Variants in DARS1 observed in about 807,000 individuals in gnomAD.
DARS1 encodes the protein aspartate--tRNA ligase, cytoplasmic.
DARS1 carries 51 observed loss-of-function variants against 68.8 expected under a neutral mutation model. The observed-to-expected ratio is 0.74, with a 90% CI of 0.59 to 0.94. DARS1 has a LOEUF of 0.94. DARS1 is among the 40% of genes least tolerant of loss of function. DARS1 has a pLI of 0.00. For synonymous variants in DARS1, 203 were observed against 190.4 expected, an observed-to-expected ratio of 1.07 and a Z score of -0.55; for missense variants, 607 against 597.3, an observed-to-expected ratio of 1.02 and a Z score of -0.17.
rs772458507 is a variant in DARS1, at chr2:135,916,304, G to A, written c.1028C>T (p.Thr343Ile). 1.1e-5 allele frequency: 17 copies of A among 1,540,042 alleles called. No individual in the cohort carries two copies. In the East Asian group the frequency reaches 3.1e-4, roughly 29 times the overall value. The part of the protein sequence containing the change: ...PCEPFKFLEP[T>I]LRLEYCEALA... The stretch of plus-strand genomic sequence containing the variant: ...TGCTTCACAATATTCTAGTCTTAGA[G>A]TTGGCTCCAAAAATTTGAATGGCTC... The change falls in exon 11 of 16, where the codon ACT (threonine) becomes ATT (isoleucine). Residue 343 changes from threonine (T) to isoleucine (I), a missense_variant. Thr to Ile is a moderately conservative substitution (Grantham distance 89, BLOSUM62 -1). Transcript: ENST00000264161.
At chr2:135,949,014 G>A (rs1269215050) in intron 4 of DARS1, among the ~76,000 whole-genome samples, 1 of 151,996 alleles carries the variant, frequency 6.6e-6, no homozygotes, top group Non-Finnish European at 1.5e-5. Context: ...ATTAGAGAAT[G>A]AGAAACATAC....
intron 4 of DARS1, among the ~76,000 whole-genome samples, chr2:135,953,495 G>A (rs576195993): frequency 2.0e-5 from 3 of 152,238 alleles, no homozygotes; most frequent in South Asian, 2.1e-4. Context: ...GGTGCAAAAC[G>A]TATTGTGTTG....
At chr2:135,907,475 A>C in intron 15 of DARS1, 68 bp from the exon 16 acceptor site, 1 of 998,222 alleles carries the variant, frequency 1.0e-6, no homozygotes, top group Non-Finnish European at 1.5e-6. Flanking sequence ...TAGAACTACA[A>C]ACATAAATGT....
rs752371133 is a variant in DARS1 at position 135,920,468 on chromosome 2, T to C, written c.944A>G (p.Lys315Arg). 3.7e-6 allele frequency: 6 copies of C among 1,612,976 alleles called. No homozygotes were observed. The highest frequency in any genetic ancestry group is 2.2e-5 in the South Asian group (2 of 90,850). ...TACTTTTTACCTTTCTTGAAGTCCT[T>C]TGAATATTTGTACCATGGTGTCAGC... is the stretch of plus-strand genomic sequence containing the variant. ...EIADTMVQIF[K>R]GLQERFQTEI... The change falls in exon 10 of 16, where the codon AAA (lysine) becomes AGA (arginine). Residue 315 changes from lysine (K) to arginine (R), a missense_variant. Lys to Arg is a conservative substitution (Grantham distance 26). Transcript: ENST00000264161.
intron 3 of DARS1, 64 bp downstream of exon 3, chr2:135,979,210 A>G: frequency 1.2e-6 from 1 of 814,314 alleles, no homozygotes; most frequent in Non-Finnish European, 2.1e-6. Context: ...GTCTGTGAGG[A>G]ATATGTAAGA....
chr2:135,969,588 CA>C (rs914252873), intron 3 of DARS1, among the ~76,000 whole-genome samples: 15 of 147,150 alleles, frequency 1.0e-4, no homozygotes, highest in African/African-American at 3.8e-4. Context: ...CAAAATTCCA[CA>C]AAAAGTAAGT....
rs751510664 is a variant in DARS1, at chr2:135,933,894, T to C, written c.504+16A>G. On this transcript the variant is annotated intron_variant, in intron 6 of 15. Coordinates refer to ENST00000264161, the MANE Select transcript of DARS1 (RefSeq NM_001349.4). The stretch of plus-strand genomic sequence containing the variant: ...TATACAGCGGAAGCATAATATTTCA[T>C]AAGTATAATTTTTACCTCTTCTCCT... 6.2e-7 allele frequency: 1 copy of C among 1,609,368 alleles called. No individual in the cohort carries two copies. Among genetic ancestry groups the C allele is most frequent in the Non-Finnish European group, 8.5e-7 (1 of 1,177,144 alleles).
intron 6 of DARS1, 99 bp downstream of exon 6, chr2:135,933,811 C>A: frequency 7.2e-7 from 1 of 1,382,738 alleles, no homozygotes; most frequent in Non-Finnish European, 9.5e-7. Context: ...CAATGGAGCT[C>A]AAAATCAATT....
intron 5 of DARS1, 178 bp downstream of exon 5, chr2:135,943,200 G>GT (rs1170544039): frequency 4.7e-6 from 4 of 849,534 alleles, no homozygotes; most frequent in Non-Finnish European, 6.7e-6. Context: ...AATGTTTGTT[G>GT]TTTCAAGTCA....
chr2:135,947,033 C>G (rs1323042192), intron 4 of DARS1, among the ~76,000 whole-genome samples: 6 of 152,182 alleles, frequency 3.9e-5, no homozygotes, highest in Admixed American at 3.9e-4. Context: ...CCACCTGCCT[C>G]TGCTTCCCAA....
chr2:135,912,749 T>C (rs190152098), intron 12 of DARS1, among the ~76,000 whole-genome samples, 183 bp from the exon 13 acceptor site: 53 of 152,298 alleles, frequency 3.5e-4, no homozygotes, highest in African/African-American at 1.3e-3. Flanking sequence ...CATGGTGTCA[T>C]AAATTCTTGC....
chr2:135,985,364 G>C, intron 1 of DARS1, 39 bp downstream of exon 1: 2 of 1,608,030 alleles, frequency 1.2e-6, no homozygotes, highest in Non-Finnish European at 1.7e-6. Context: ...CCCGGCCCAG[G>C]GGTCTGTCCT....
At chr2:135,970,673 GT>G (rs1423810584) in intron 3 of DARS1, among the ~76,000 whole-genome samples, 1 of 151,890 alleles carries the variant, frequency 6.6e-6, no homozygotes, top group Non-Finnish European at 1.5e-5. Flanking sequence ...CAAAAAGTTG[GT>G]TTTTTGAAAA....
intron 3 of DARS1, among the ~76,000 whole-genome samples, chr2:135,962,292 T>C (rs1441008838): frequency 6.6e-6 from 1 of 152,228 alleles, no homozygotes; most frequent in Non-Finnish European, 1.5e-5. Flanking sequence ...TATGTATCCT[T>C]GTGACATCCC....
intron 3 of DARS1, among the ~76,000 whole-genome samples, chr2:135,964,409 G>C (rs1233410218): frequency 6.6e-6 from 1 of 152,116 alleles, no homozygotes; most frequent in Non-Finnish European, 1.5e-5. Flanking sequence ...AGGGCTGAAA[G>C]GAAATTTTGG....
chr2:135,985,256 G>A (rs1682748880), intron 1 of DARS1, 147 bp downstream of exon 1: 3 of 1,339,356 alleles, frequency 2.2e-6, no homozygotes, highest in East Asian at 2.5e-5. Flanking sequence ...GCTGGGGCAA[G>A]GGCTCTAGGC....
intron 9 of DARS1, among the ~76,000 whole-genome samples, 189 bp from the exon 10 acceptor site, chr2:135,920,789 C>T (rs936903516): frequency 8.5e-5 from 13 of 152,070 alleles, no homozygotes; most frequent in African/African-American, 1.2e-4. Context: ...TAAACTCCTA[C>T]GGTCGTGCAA....
At chr2:135,972,379 G>A (rs1682391318) in intron 3 of DARS1, among the ~76,000 whole-genome samples, 1 of 152,146 alleles carries the variant, frequency 6.6e-6, no homozygotes, top group South Asian at 2.1e-4. Context: ...ATATCCATAT[G>A]CAAAAGACTA....
At chr2:135,943,981 C>G (rs1045711878) in intron 4 of DARS1, among the ~76,000 whole-genome samples, 4 of 152,146 alleles carry the variant, frequency 2.6e-5, no homozygotes, top group African/African-American at 9.7e-5. Flanking sequence ...CTACCTTTAG[C>G]TTCTGAGTAT....
Sources: allele counts gnomAD v4.1 joint callset (sites outside exome capture counted in the v4.1 genomes callset), GRCh38; gene constraint gnomAD v4.1.1; transcripts MANE v1.5; gene names NCBI Gene and HGNC (gene_info 2026-07-23, HGNC 2026-07-21).